The following CROT variants were observed in gnomAD, a reference collection of about 807,000 sequenced individuals.
CROT encodes the protein peroxisomal carnitine O-octanoyltransferase.
CROT carries 84 observed loss-of-function variants against 89.2 expected under a neutral mutation model. The ratio of observed to expected loss-of-function variants is 0.94; its 90% CI spans 0.79 to 1.13. The LOEUF is 1.13. CROT is among the 50% of genes most tolerant of loss of function. CROT has a pLI of 0.00. For missense variants in CROT, 711 were observed against 727.8 expected (o/e 0.98, Z 0.27); for synonymous variants, 212 against 239.5 (o/e 0.89, Z 1.06).
intron 13 of CROT, among the ~76,000 whole-genome samples, chr7:87,385,010 G>A (rs183186765): frequency 1.4e-4 from 21 of 152,020 alleles, no homozygotes; most frequent in African/African-American, 2.9e-4. Flanking sequence ...GTAAATACAC[G>A]GATTTATTTC....
intron 3 of CROT, among the ~76,000 whole-genome samples, chr7:87,355,391 G>A (rs1305226950): frequency 1.3e-5 from 2 of 151,886 alleles, no homozygotes; most frequent in African/African-American, 4.8e-5. Flanking sequence ...TGAGCCACTG[G>A]GCCCGGCCAA....
chr7:87,382,147 A>C lies in CROT; in HGVS notation c.1136A>C (p.Asp379Ala). The C allele has an allele frequency of 6.2e-7, 1 of 1,613,270 alleles. No individual in the cohort carries two copies. Among genetic ancestry groups the C allele is most frequent in the Non-Finnish European group, 8.5e-7 (1 of 1,179,400 alleles). The change falls in exon 12 of 18, where the codon GAC becomes GCC. Residue 379 changes from aspartate to alanine, a missense_variant. Physicochemically the swap from Asp to Ala is moderately radical, Grantham distance 126. Transcript: ENST00000331536. ...ATTGTGGATGAGAAAGTTTTAAATGACATCAACCAAGCTAAAGCCCAGTAT... is the reference window on the plus strand; with the variant it reads ...ATTGTGGATGAGAAAGTTTTAAATGCCATCAACCAAGCTAAAGCCCAGTAT... ...IFIVDEKVLNDINQAKAQYLR... is the reference protein window; with the variant it reads ...IFIVDEKVLNAINQAKAQYLR...
intron 13 of CROT, among the ~76,000 whole-genome samples, chr7:87,389,259 G>A (rs986937525): frequency 2.6e-5 from 4 of 152,030 alleles, no homozygotes; most frequent in Admixed American, 6.6e-5. Flanking sequence ...TTGATCCAGC[G>A]ATCCCATTGC....
chr7:87,391,504 AG>A, intron 13 of CROT, 84 bp from the exon 14 acceptor site: 1 of 1,337,574 alleles, frequency 7.5e-7, no homozygotes, highest in Non-Finnish European at 1.0e-6. Flanking sequence ...CTCTGAACAA[AG>A]CTAGCTTTAT....
At position 87,370,734 on chromosome 7, in the gene CROT, T is replaced by G. The variant is rs143058281; in HGVS notation, c.656+1250T>G. 3.3e-5 allele frequency among the ~76,000 whole-genome samples: 5 copies of G among 152,282 alleles called. No homozygotes were observed. In the East Asian group the frequency reaches 9.6e-4, roughly 29 times the overall value. ...GACTTTCACTCCTTCCCAGGGGCAG[T>G]CATTTAGGTTGTTTACAGTTTGCAT... On this transcript the variant is annotated intron_variant, in intron 7 of 17. Coordinates refer to ENST00000331536, the MANE Select transcript of CROT (RefSeq NM_021151.4).
chr7:87,375,935 A>AC lies in CROT; in HGVS notation c.860dup (p.Glu288ArgfsTer5). ...TGGAGGATAGCAGTCCACATGTAAC[A>AC]CCAGAGGATTATTCTGAGGTACTTA... On this transcript the variant is annotated frameshift_variant, in exon 9 of 18. Coordinates refer to ENST00000331536, the MANE Select transcript of CROT (RefSeq NM_021151.4). LOFTEE classifies it high-confidence loss of function. 1 of 1,607,230 alleles carries AC rather than the reference A, an allele frequency of 6.2e-7. No homozygotes were observed. Among genetic ancestry groups the AC allele is most frequent in the African/African-American group, 1.3e-5 (1 of 74,518 alleles).
At position 87,359,275 on chromosome 7, in the gene CROT, T is replaced by C; in HGVS notation, c.185T>C (p.Ile62Thr). Reference protein sequence around the residue: ...EEIVQKFQSGIGEKLHQKLLE... With the variant: ...EEIVQKFQSGTGEKLHQKLLE... ...ATAGTTCAAAAATTTCAAAGTGGGA[T>C]TGGAGAAAAATTGCACCAGAAATTG... is the stretch of plus-strand genomic sequence containing the variant. The change falls in exon 4 of 18, where the codon ATT becomes ACT. Residue 62 changes from isoleucine to threonine, a missense_variant. Ile to Thr is a moderately conservative substitution (Grantham distance 89). Coordinates refer to ENST00000331536, the MANE Select transcript of CROT (RefSeq NM_021151.4). 2 of 1,599,348 alleles carry C rather than the reference T, an allele frequency of 1.3e-6. No homozygotes were observed. Among genetic ancestry groups the C allele is most frequent in the East Asian group, 4.5e-5 (2 of 44,676 alleles).
chr7:87,365,214 C>A (rs6968506), intron 6 of CROT, among the ~76,000 whole-genome samples: 1 of 152,070 alleles, frequency 6.6e-6, no homozygotes, highest in East Asian at 1.9e-4. Context: ...TTGGGCCAGG[C>A]CTGGTGGCTC....
intron 10 of CROT, among the ~76,000 whole-genome samples, chr7:87,381,661 G>A (rs1807009800): frequency 6.6e-6 from 1 of 152,034 alleles, no homozygotes; most frequent in South Asian, 2.1e-4. Context: ...ACACCCTCAT[G>A]ACCCCAAGCC....
intron 10 of CROT, among the ~76,000 whole-genome samples, chr7:87,378,279 G>C (rs1806873533): frequency 6.6e-6 from 1 of 151,456 alleles, no homozygotes; most frequent in African/African-American, 2.4e-5. Flanking sequence ...CTGGGAGGTT[G>C]AGGGTGCAGT....
intron 3 of CROT, among the ~76,000 whole-genome samples, chr7:87,357,928 A>G (rs1290433272): frequency 2.0e-5 from 3 of 152,142 alleles, no homozygotes; most frequent in Admixed American, 2.0e-4. Context: ...GTGTCCTTGT[A>G]GGTATCTGTA....
At chr7:87,367,934 A>G (rs1806497886) in intron 6 of CROT, among the ~76,000 whole-genome samples, 1 of 152,134 alleles carries the variant, frequency 6.6e-6, no homozygotes, top group Non-Finnish European at 1.5e-5. Flanking sequence ...TCTGTTCTCC[A>G]TGTAACAGCT....
chr7:87,389,284 A>C (rs942187769), intron 13 of CROT, among the ~76,000 whole-genome samples: 3 of 152,188 alleles, frequency 2.0e-5, no homozygotes, highest in Non-Finnish European at 2.9e-5. Context: ...TATATACCCA[A>C]AGGATTATAA....
chr7:87,363,108 A>G (rs2115847911), intron 6 of CROT, among the ~76,000 whole-genome samples: 1 of 152,332 alleles, frequency 6.6e-6, no homozygotes, highest in Non-Finnish European at 1.5e-5. Flanking sequence ...ATATCAATAG[A>G]CCTGCTTTTG....
intron 13 of CROT, among the ~76,000 whole-genome samples, chr7:87,383,874 A>G (rs1001523945): frequency 2.0e-5 from 3 of 152,168 alleles, no homozygotes. Flanking sequence ...GTGCTGCAAT[A>G]AACATTGGAG....
chr7:87,351,853 A>G (rs1805878470), intron 3 of CROT, among the ~76,000 whole-genome samples: 1 of 152,230 alleles, frequency 6.6e-6, no homozygotes, highest in Non-Finnish European at 1.5e-5. Context: ...ACCTGGTTGA[A>G]CAGCAGAGTT....
At position 87,349,105 on chromosome 7, in the gene CROT, A is replaced by G. The variant is rs369691197; in HGVS notation, c.37A>G (p.Thr13Ala). ...ATTGGCTAAATCAACTGAAGAACGA[A>G]CATTTCAGTACCAGGATTCTCTTCC... The part of the protein sequence containing the change: ...NQLAKSTEER[T>A]FQYQDSLPSL... Residue 13 changes from threonine (T) to alanine (A), a missense_variant, in exon 3 of 18, where the codon ACA becomes GCA. Transcript: ENST00000331536. The G allele has an allele frequency of 6.2e-7, 1 of 1,606,836 alleles. No individual in the cohort carries two copies.
At chr7:87,386,844 A>G (rs1171913436) in intron 13 of CROT, among the ~76,000 whole-genome samples, 1 of 152,018 alleles carries the variant, frequency 6.6e-6, no homozygotes, top group African/African-American at 2.4e-5. Flanking sequence ...CCCCATCTCT[A>G]CCCATTGTCT....
intron 13 of CROT, among the ~76,000 whole-genome samples, chr7:87,388,868 A>G (rs1807266129): frequency 6.6e-6 from 1 of 152,208 alleles, no homozygotes; most frequent in South Asian, 2.1e-4. Flanking sequence ...AATTTTTGCA[A>G]TCTAACCACC....
Sources: gnomAD v4.1 joint callset for allele counts (sites outside exome capture counted in the v4.1 genomes callset) on GRCh38, gnomAD v4.1.1 for gene constraint, MANE v1.5 for transcripts, NCBI Gene and HGNC (gene_info 2026-07-23, HGNC 2026-07-21) for gene names.